The following KCNQ1OT1 variants were observed in gnomAD, a reference collection of about 807,000 sequenced individuals.
The protein encoded by KCNQ1OT1 is KCNQ1 antisense RNA 2 (non-protein coding).
At chr11:2,628,819 A>G (rs1849304580) in exon 1 of KCNQ1OT1, 1 of 398,004 alleles carries the variant, frequency 2.5e-6, no homozygotes. Context: ...TTCCAATTTA[A>G]TTTTTTTGCA....
exon 1 of KCNQ1OT1, chr11:2,650,566 T>A (rs1849741744): frequency 2.5e-6 from 1 of 398,548 alleles, no homozygotes; most frequent in South Asian, 1.3e-4. Context: ...GGCTGCTTGG[T>A]GCTTAGGATG....
exon 1 of KCNQ1OT1, chr11:2,632,472 C>T (rs1278057274): frequency 2.5e-6 from 1 of 398,224 alleles, no homozygotes; most frequent in Non-Finnish European, 4.4e-6. Context: ...AGTCTTTTCA[C>T]CATTATGATG....
chr11:2,690,710 C>A lies in KCNQ1OT1; in HGVS notation n.9285G>T. On this transcript the variant is annotated non_coding_transcript_exon_variant, in exon 1 of 1. Coordinates refer to ENST00000597346, the Ensembl canonical transcript of KCNQ1OT1. The surrounding 1 kb of genome is among the most constrained non-coding windows in gnomAD (Gnocchi z 5.1). ...TCTCTCAGAATTCCTGAGGGCTTTCCATTTGATCCCAGTGGTTGAAGATGG... is the reference window on the plus strand; with the variant it reads ...TCTCTCAGAATTCCTGAGGGCTTTCAATTTGATCCCAGTGGTTGAAGATGG... 2.5e-6 allele frequency: 1 copy of A among 398,642 alleles called. No homozygotes were observed. Among genetic ancestry groups the A allele is most frequent in the Non-Finnish European group, 4.4e-6 (1 of 226,084 alleles). 24.7% of individuals were successfully genotyped at this position (398,642 alleles called of 1,614,324 possible).
At chr11:2,681,117 A>C (rs1207760782) in exon 1 of KCNQ1OT1, 3 of 398,530 alleles carry the variant, frequency 7.5e-6, no homozygotes, top group Non-Finnish European at 8.8e-6. Context: ...GATGCCCCCC[A>C]AAAAAGCACC....
At chr11:2,616,225 T>C in exon 1 of KCNQ1OT1, 1 of 397,598 alleles carries the variant, frequency 2.5e-6, no homozygotes, top group Non-Finnish European at 4.4e-6. Flanking sequence ...TTATTTTTGT[T>C]TTTTTTTGTT....
chr11:2,614,078 G>A, exon 1 of KCNQ1OT1: 1 of 398,546 alleles, frequency 2.5e-6, no homozygotes, highest in Non-Finnish European at 4.4e-6. Flanking sequence ...GCTTGCATGT[G>A]TAGGTGGTTT....
At position 2,688,665 on chromosome 11, in the gene KCNQ1OT1, C is replaced by T. The variant is rs1340968650; in HGVS notation, n.11330G>A. The T allele has an allele frequency of 1.8e-5, 7 of 398,686 alleles. No individual in the cohort carries two copies. In the Admixed American group the frequency reaches 1.8e-4, roughly 10 times the overall value. 24.7% of individuals were successfully genotyped at this position (398,686 alleles called of 1,614,324 possible). A position where few individuals can be genotyped will look rare whatever the true frequency, so the allele number is the denominator to read the frequency against. On this transcript the variant is annotated non_coding_transcript_exon_variant, in exon 1 of 1. Transcript: ENST00000597346. ...CTCCTAAACATAGGGCTGCCTGCTTCGTTCATTTCCACACACCACGTGCCT... is the reference window on the plus strand; with the variant it reads ...CTCCTAAACATAGGGCTGCCTGCTTTGTTCATTTCCACACACCACGTGCCT...
exon 1 of KCNQ1OT1, chr11:2,648,674 C>T (rs1849704740): frequency 2.5e-6 from 1 of 398,424 alleles, no homozygotes; most frequent in Non-Finnish European, 4.4e-6. Context: ...TTTATTGAGA[C>T]CCGTTTTGTG....
Position 2,661,998 on chromosome 11 carries a change from C to T in KCNQ1OT1, n.37997G>A, listed in dbSNP as rs137887424. The T allele has an allele frequency of 8.4e-5, 136 of 1,614,212 alleles. 2 individuals carry two copies. In the African/African-American group the frequency reaches 1.7e-3, roughly 21 times the overall value. ...CAACACTGCTGGAAGTGAGCATGCCCCATTTCATGAGAACCAACAGCTTCG... is the reference window on the plus strand; with the variant it reads ...CAACACTGCTGGAAGTGAGCATGCCTCATTTCATGAGAACCAACAGCTTCG... On this transcript the variant is annotated non_coding_transcript_exon_variant, in exon 1 of 1. Coordinates refer to ENST00000597346, the Ensembl canonical transcript of KCNQ1OT1. This position sits in a 1 kb window ranked among gnomAD's most constrained non-coding sequence, Gnocchi z 5.9.
At position 2,694,758 on chromosome 11, in the gene KCNQ1OT1, G is replaced by A. The variant is rs879307984; in HGVS notation, n.5237C>T. The A allele has an allele frequency of 5.0e-5, 20 of 398,430 alleles. No individual in the cohort carries two copies. The highest frequency in any genetic ancestry group is 8.8e-5 in the Admixed American group (2 of 22,700). The allele number at this position is 398,430 out of a possible 1,614,324, so 24.7% of individuals were successfully genotyped here. A position where few individuals can be genotyped will look rare whatever the true frequency, so the allele number is the denominator to read the frequency against. On this transcript the variant is annotated non_coding_transcript_exon_variant, in exon 1 of 1. Coordinates refer to ENST00000597346, the Ensembl canonical transcript of KCNQ1OT1. ...AAATAAGTAGATGTCTAAGGAACTA[G>A]AAAAGCGTAGCCTGTGCTTTGCAGA... is the stretch of plus-strand genomic sequence containing the variant.
Position 2,618,609 on chromosome 11 carries a change from A to G in KCNQ1OT1, n.81386T>C, listed in dbSNP as rs372158973. On this transcript the variant is annotated non_coding_transcript_exon_variant, in exon 1 of 1. Coordinates refer to ENST00000597346, the Ensembl canonical transcript of KCNQ1OT1. ...TACTGTTTGATCAATAGTTTTGTAA[A>G]ATAAACCAGAAAGTATGAAGTCTCC... 26 of 398,534 alleles carry G rather than the reference A, an allele frequency of 6.5e-5. No individual in the cohort carries two copies. The South Asian group carries it at 8.9e-4, about 14-fold the overall frequency. 24.7% of individuals were successfully genotyped at this position (398,534 alleles called of 1,614,324 possible).
Position 2,653,676 on chromosome 11 carries a change from A to G in KCNQ1OT1, n.46319T>C. ...CAAAATGGCCACCAGCTTGCATTCA[A>G]CAGCTCAGGAAGCCCAGCAGAACGA... On this transcript the variant is annotated non_coding_transcript_exon_variant, in exon 1 of 1. Transcript: ENST00000597346. The surrounding 1 kb of genome is among the most constrained non-coding windows in gnomAD (Gnocchi z 5.3). 1 of 398,676 alleles carries G rather than the reference A, an allele frequency of 2.5e-6. No individual in the cohort carries two copies. The allele number at this position is 398,676 out of a possible 1,614,324, so 24.7% of individuals were successfully genotyped here.
exon 1 of KCNQ1OT1, chr11:2,631,639 T>G: frequency 2.5e-6 from 1 of 398,566 alleles, no homozygotes; most frequent in East Asian, 3.6e-5. Flanking sequence ...GTTTCCTTGG[T>G]TTTTCTGTTT....
At position 2,693,007 on chromosome 11, in the gene KCNQ1OT1, C is replaced by T. The variant is rs2299619; in HGVS notation, n.6988G>A. On this transcript the variant is annotated non_coding_transcript_exon_variant, in exon 1 of 1. Transcript: ENST00000597346. ...TTTCCAGAAGCCTCATAAGCAAGCACGCTCAGTGAAGGAACAGGAAGTCCT... is the reference window on the plus strand; with the variant it reads ...TTTCCAGAAGCCTCATAAGCAAGCATGCTCAGTGAAGGAACAGGAAGTCCT... 7.8e-4 allele frequency: 312 copies of T among 398,620 alleles called. 1 individual carries two copies. In the East Asian group the frequency reaches 0.011, roughly 14 times the overall value. 24.7% of individuals were successfully genotyped at this position (398,620 alleles called of 1,614,324 possible).
Position 2,695,375 on chromosome 11 carries a change from C to G in KCNQ1OT1, n.4620G>C. 1 of 398,540 alleles carries G rather than the reference C, an allele frequency of 2.5e-6. No homozygotes were observed. The highest frequency in any genetic ancestry group is 4.4e-6 in the Non-Finnish European group (1 of 226,046). The allele number at this position is 398,540 out of a possible 1,614,324, so 24.7% of individuals were successfully genotyped here. A position where few individuals can be genotyped will look rare whatever the true frequency, so the allele number is the denominator to read the frequency against. On this transcript the variant is annotated non_coding_transcript_exon_variant, in exon 1 of 1. Coordinates refer to ENST00000597346, the Ensembl canonical transcript of KCNQ1OT1. The surrounding 1 kb of genome is among the most constrained non-coding windows in gnomAD (Gnocchi z 5.2). ...ACGAGCACTCCCTAGTACTGCGTGT[C>G]TGGGTGGTGTGTAATTTTAATTTAA...
chr11:2,659,376 T>A lies in KCNQ1OT1; in HGVS notation n.40619A>T. 1 of 398,640 alleles carries A rather than the reference T, an allele frequency of 2.5e-6. No individual in the cohort carries two copies. 24.7% of individuals were successfully genotyped at this position (398,640 alleles called of 1,614,324 possible). A position where few individuals can be genotyped will look rare whatever the true frequency, so the allele number is the denominator to read the frequency against. On this transcript the variant is annotated non_coding_transcript_exon_variant, in exon 1 of 1. Coordinates refer to ENST00000597346, the Ensembl canonical transcript of KCNQ1OT1. This position sits in a 1 kb window ranked among gnomAD's most constrained non-coding sequence, Gnocchi z 4.3. ...TAATATGTATTCTTTTGCATCTGGC[T>A]TCTTTCACTGCTTAGCAAAATGCAT...
chr11:2,653,274 C>T lies in KCNQ1OT1; in HGVS notation n.46721G>A. ...TTCTCCCTGCCCTCTGCCCTGAAAA[C>T]TAGTGGGGGCAGTGCAGACCAGTTT... On this transcript the variant is annotated non_coding_transcript_exon_variant, in exon 1 of 1. Transcript: ENST00000597346. This position sits in a 1 kb window ranked among gnomAD's most constrained non-coding sequence, Gnocchi z 5.3. 1 of 398,740 alleles carries T rather than the reference C, an allele frequency of 2.5e-6. No homozygotes were observed. The highest frequency in any genetic ancestry group is 4.4e-6 in the Non-Finnish European group (1 of 226,136). The allele number at this position is 398,740 out of a possible 1,614,324, so 24.7% of individuals were successfully genotyped here.
chr11:2,658,661 T>C lies in KCNQ1OT1; in HGVS notation n.41334A>G, dbSNP rs1849895888. ...GGCTACTAGGGTATCATTGCTTCAG[T>C]CTCCTCTCAGTGGACAGAGCTAGGA... On this transcript the variant is annotated non_coding_transcript_exon_variant, in exon 1 of 1. Transcript: ENST00000597346. This position sits in a 1 kb window ranked among gnomAD's most constrained non-coding sequence, Gnocchi z 4.9. 1 of 398,392 alleles carries C rather than the reference T, an allele frequency of 2.5e-6. No homozygotes were observed. The highest frequency in any genetic ancestry group is 1.3e-4 in the South Asian group (1 of 7,842). The allele number at this position is 398,392 out of a possible 1,614,324, so 24.7% of individuals were successfully genotyped here. A position where few individuals can be genotyped will look rare whatever the true frequency, so the allele number is the denominator to read the frequency against.
chr11:2,646,869 T>C, exon 1 of KCNQ1OT1: 1 of 398,678 alleles, frequency 2.5e-6, no homozygotes, highest in Non-Finnish European at 4.4e-6. Context: ...TGAATTCCTT[T>C]ACCAGTTCTA....
Sources: allele counts gnomAD v4.1 joint callset, GRCh38; gene constraint gnomAD v4.1.1; non-coding constraint Gnocchi (gnomAD v3.1); transcripts MANE v1.5; gene names NCBI Gene and HGNC (gene_info 2026-07-23, HGNC 2026-07-21).